NR3C2: variants seen among roughly 807,000 people sequenced by gnomAD.
NR3C2 encodes mineralocorticoid receptor.
In NR3C2, 15 loss-of-function variants were observed where a neutral mutation model predicts 86.4. The ratio of observed to expected loss-of-function variants is 0.17; its 90% CI spans 0.12 to 0.27. NR3C2 has a LOEUF of 0.27. Among genes scored for constraint, NR3C2 ranks in the 10% least tolerant of loss-of-function variants. The probability of loss-of-function intolerance (pLI) is 1.00; values close to 1 mark genes in which losing one functional copy is unlikely to be tolerated. For missense variants in NR3C2, 960 were observed against 1,195.6 expected (o/e 0.80, Z 2.91); for synonymous variants, 458 against 450.5 (o/e 1.02, Z -0.21).
intron 3 of NR3C2, among the ~76,000 whole-genome samples, chr4:148,209,530 T>C (rs761234634): frequency 7.2e-5 from 11 of 152,178 alleles, no homozygotes; most frequent in Non-Finnish European, 1.3e-4. Context: ...ACTCCTGGCC[T>C]CAAGTGATTC....
At position 148,147,903 on chromosome 4, in the gene NR3C2, T is replaced by C. The variant is rs1000521225; in HGVS notation, c.2510+4566A>G. ...ACACCTCACTGGGATCACAACAACATATAGCATGATAGGGCAGTCGCATCT... is the reference window on the plus strand; with the variant it reads ...ACACCTCACTGGGATCACAACAACACATAGCATGATAGGGCAGTCGCATCT... On this transcript the variant is annotated intron_variant, in intron 6 of 8. Coordinates refer to ENST00000358102, the MANE Select transcript of NR3C2 (RefSeq NM_000901.5). Among the ~76,000 whole-genome samples the C allele has an allele frequency of 2.0e-5, 3 of 152,298 alleles. No individual in the cohort carries two copies. The South Asian group carries it at 6.2e-4, about 32-fold the overall frequency.
intron 2 of NR3C2, among the ~76,000 whole-genome samples, chr4:148,289,673 C>CGA (rs1297722955): frequency 6.6e-6 from 1 of 152,018 alleles, no homozygotes; most frequent in African/African-American, 2.4e-5. Context: ...TGGGTTGGGC[C>CGA]GAGAGATTCA....
intron 3 of NR3C2, among the ~76,000 whole-genome samples, chr4:148,232,733 A>G (rs1440543571): frequency 6.6e-6 from 1 of 152,216 alleles, no homozygotes; most frequent in East Asian, 1.9e-4. Flanking sequence ...TATTTCATCT[A>G]CATTGAACAT....
intron 2 of NR3C2, among the ~76,000 whole-genome samples, chr4:148,337,759 T>G (rs2149977118): frequency 6.6e-6 from 1 of 152,310 alleles, no homozygotes; most frequent in East Asian, 1.9e-4. Flanking sequence ...AGCTAACATT[T>G]CAGGCAAAGA....
intron 2 of NR3C2, among the ~76,000 whole-genome samples, chr4:148,427,646 G>A (rs1449546729): frequency 6.6e-6 from 1 of 152,032 alleles, no homozygotes; most frequent in African/African-American, 2.4e-5. Context: ...TAGAAAGGGG[G>A]GGTGTCCCTA....
At chr4:148,321,015 A>C (rs1743551646) in intron 2 of NR3C2, among the ~76,000 whole-genome samples, 1 of 150,738 alleles carries the variant, frequency 6.6e-6, no homozygotes, top group Admixed American at 6.6e-5. Context: ...GTGGGCATTT[A>C]GTGCTATAAA....
chr4:148,318,301 G>C (rs1743333758), intron 2 of NR3C2, among the ~76,000 whole-genome samples: 1 of 151,684 alleles, frequency 6.6e-6, no homozygotes, highest in South Asian at 2.1e-4. Flanking sequence ...TTCGTTCCAA[G>C]TCTTTGCTAT....
At chr4:148,218,998 T>C (rs1164166682) in intron 3 of NR3C2, among the ~76,000 whole-genome samples, 1 of 152,218 alleles carries the variant, frequency 6.6e-6, no homozygotes, top group Non-Finnish European at 1.5e-5. Flanking sequence ...TGCTGGATCT[T>C]AGGTTAAGTG....
intron 2 of NR3C2, among the ~76,000 whole-genome samples, chr4:148,324,198 T>C (rs1743820054): frequency 6.6e-6 from 1 of 152,244 alleles, no homozygotes; most frequent in South Asian, 2.1e-4. Flanking sequence ...TTAGATTCCA[T>C]ATATAAATAA....
At chr4:148,438,470 A>G (rs1323921614) in intron 1 of NR3C2, among the ~76,000 whole-genome samples, 1 of 152,232 alleles carries the variant, frequency 6.6e-6, no homozygotes, top group Non-Finnish European at 1.5e-5. Context: ...CAAAGTCTGT[A>G]AACAATCTAT....
intron 3 of NR3C2, among the ~76,000 whole-genome samples, chr4:148,236,152 C>T (rs1357866911): frequency 6.6e-6 from 1 of 152,152 alleles, no homozygotes. Context: ...GGGAAAAAAC[C>T]TGAATCCCTA....
intron 6 of NR3C2, among the ~76,000 whole-genome samples, chr4:148,138,015 A>G (rs977830558): frequency 1.3e-5 from 2 of 152,182 alleles, no homozygotes; most frequent in African/African-American, 2.4e-5. Flanking sequence ...AGTTGTTTTA[A>G]TTTCTAATAT....
At chr4:148,388,561 A>G (rs1438813575) in intron 2 of NR3C2, among the ~76,000 whole-genome samples, 1 of 152,216 alleles carries the variant, frequency 6.6e-6, no homozygotes, top group African/African-American at 2.4e-5. Flanking sequence ...ACATCATCAC[A>G]TCAAACTATA....
chr4:148,443,046 T>G, upstream of NR3C2: 2 of 890,100 alleles, frequency 2.2e-6, no homozygotes, highest in Non-Finnish European at 2.7e-6. Context: ...ACCCTCGAGG[T>G]TCCTCTCCCA....
At chr4:148,241,654 T>C (rs1739054310) in intron 3 of NR3C2, among the ~76,000 whole-genome samples, 1 of 152,082 alleles carries the variant, frequency 6.6e-6, no homozygotes, top group African/African-American at 2.4e-5. Context: ...ATCTTTTCCT[T>C]CCCCCACCCA....
At position 148,113,988 on chromosome 4, in the gene NR3C2, G is replaced by C. The variant is rs1030900072; in HGVS notation, c.2799+116C>G. 6.5e-6 allele frequency: 8 copies of C among 1,222,272 alleles called. No individual in the cohort carries two copies. In the African/African-American group the frequency reaches 1.2e-4, roughly 18 times the overall value. 75.7% of individuals were successfully genotyped at this position (1,222,272 alleles called of 1,614,324 possible). ...TGGACATGGCGATATCCTTAATGGA[G>C]TCAACAGAGGTCTAGCATGACACCC... is the stretch of plus-strand genomic sequence containing the variant. On this transcript the variant is annotated intron_variant, in intron 8 of 8. Coordinates refer to ENST00000358102, the MANE Select transcript of NR3C2 (RefSeq NM_000901.5).
chr4:148,122,823 C>G (rs974851098), intron 6 of NR3C2, among the ~76,000 whole-genome samples: 1 of 152,050 alleles, frequency 6.6e-6, no homozygotes, highest in Non-Finnish European at 1.5e-5. Flanking sequence ...CACCTCAGGA[C>G]CATGGTGAAA....
At chr4:148,091,718 C>T (rs1731071481) in intron 8 of NR3C2, among the ~76,000 whole-genome samples, 1 of 152,188 alleles carries the variant, frequency 6.6e-6, no homozygotes, top group African/African-American at 2.4e-5. Flanking sequence ...TTGGCCCTTG[C>T]CTGAGCCTAA....
At chr4:148,151,977 G>A (rs1364912650) in intron 6 of NR3C2, among the ~76,000 whole-genome samples, 1 of 152,148 alleles carries the variant, frequency 6.6e-6, no homozygotes, top group Non-Finnish European at 1.5e-5. Flanking sequence ...CAGAATAACA[G>A]TTTGGCTTCT....
Sources: allele counts gnomAD v4.1 joint callset (sites outside exome capture counted in the v4.1 genomes callset), GRCh38; gene constraint gnomAD v4.1.1; transcripts MANE v1.5; gene names NCBI Gene and HGNC (gene_info 2026-07-23, HGNC 2026-07-21).